The following CDH12 variants were observed in gnomAD, a reference collection of about 807,000 sequenced individuals.
The protein encoded by CDH12 is cadherin-12.
A neutral mutation model predicts 74.1 loss-of-function variants in CDH12; 41 were observed. That is an observed-to-expected ratio of 0.55 (90% CI 0.43 to 0.72). CDH12 has a LOEUF of 0.72. Ranked by LOEUF, CDH12 falls within the 30% of genes least tolerant of loss-of-function variation. CDH12 has a pLI of 0.00. For missense variants in CDH12, 945 were observed against 977.2 expected (o/e 0.97, Z 0.44); for synonymous variants, 399 against 355.0 (o/e 1.12, Z -1.39).
At chr5:22,125,049 A>AC (rs1745766726) in intron 4 of CDH12, among the ~76,000 whole-genome samples, 2 of 152,058 alleles carry the variant, frequency 1.3e-5, no homozygotes, top group South Asian at 2.1e-4. Context: ...GGAGTGGGTT[A>AC]CTTTTTTTTA....
intron 11 of CDH12, among the ~76,000 whole-genome samples, chr5:21,773,133 A>G (rs1175866785): frequency 1.3e-5 from 2 of 152,186 alleles, no homozygotes. Flanking sequence ...TCCGATGTAT[A>G]TGATACATTA....
chr5:22,435,722 T>C lies in CDH12; in HGVS notation c.-427-30371A>G, dbSNP rs142269587. On this transcript the variant is annotated intron_variant, in intron 2 of 14. Coordinates refer to ENST00000382254, the MANE Select transcript of CDH12 (RefSeq NM_004061.5). ...GTTATGCAGCTAGAGGCTACAAGATTCTGACTTTCCTAAACTGCTCCTAAG... is the reference window on the plus strand; with the variant it reads ...GTTATGCAGCTAGAGGCTACAAGATCCTGACTTTCCTAAACTGCTCCTAAG... 7.7e-3 allele frequency among the ~76,000 whole-genome samples: 1,169 copies of C among 152,082 alleles called. 9 individuals carry two copies. Among genetic ancestry groups the C allele is most frequent in the Non-Finnish European group, 0.013 (861 of 67,974 alleles).
intron 3 of CDH12, among the ~76,000 whole-genome samples, chr5:22,240,249 A>G (rs1752699254): frequency 6.6e-6 from 1 of 152,154 alleles, no homozygotes; most frequent in Non-Finnish European, 1.5e-5. Context: ...TCATTCTTCT[A>G]TTTAGACAAC....
intron 1 of CDH12, among the ~76,000 whole-genome samples, chr5:22,549,712 G>A (rs1248218907): frequency 2.0e-5 from 3 of 152,032 alleles, no homozygotes; most frequent in Non-Finnish European, 4.4e-5. Context: ...TTGGTGTCAT[G>A]GTTAATCTAA....
At chr5:22,371,735 T>C (rs1741301173) in intron 3 of CDH12, among the ~76,000 whole-genome samples, 1 of 152,210 alleles carries the variant, frequency 6.6e-6, no homozygotes, top group Non-Finnish European at 1.5e-5. Flanking sequence ...TAGAATATTA[T>C]GTACCAAGCA....
In CDH12 at chr5:22,738,728, T is replaced by C. The variant is rs1052475186; in HGVS notation, c.-523+114330A>G. On this transcript the variant is annotated intron_variant, in intron 1 of 14. Transcript: ENST00000382254. The stretch of plus-strand genomic sequence containing the variant: ...TATTGGGAAAAAATAAATATTTCAA[T>C]AAAACCATGAAATTACACAATCATA... Among the ~76,000 whole-genome samples the C allele has an allele frequency of 1.2e-4, 19 of 152,122 alleles. No individual in the cohort carries two copies. In the South Asian group the frequency reaches 2.9e-3, roughly 23 times the overall value.
At chr5:21,867,341 G>T (rs1463650670) in intron 6 of CDH12, among the ~76,000 whole-genome samples, 3 of 152,210 alleles carry the variant, frequency 2.0e-5, no homozygotes, top group African/African-American at 7.2e-5. Flanking sequence ...GGGGACAAGA[G>T]TGAGACTTTG....
rs187734434 is a variant in CDH12, at chr5:22,736,581, T to G, written c.-523+116477A>C. Reference sequence around the variant, plus strand: ...GCGTTTTTTTTTACTTGAAAATTTATTTTAATTGAGGGATACGTTTTCAAA... The same window carrying G: ...GCGTTTTTTTTTACTTGAAAATTTAGTTTAATTGAGGGATACGTTTTCAAA... On this transcript the variant is annotated intron_variant, in intron 1 of 14. Coordinates refer to ENST00000382254, the MANE Select transcript of CDH12 (RefSeq NM_004061.5). 4.6e-3 allele frequency among the ~76,000 whole-genome samples: 704 copies of G among 151,956 alleles called. 6 individuals carry two copies. The highest frequency in any genetic ancestry group is 0.014 in the Middle Eastern group (4 of 294).
intron 3 of CDH12, among the ~76,000 whole-genome samples, chr5:22,247,388 T>C (rs533004511): frequency 6.6e-6 from 1 of 152,210 alleles, no homozygotes; most frequent in East Asian, 1.9e-4. Context: ...TAAAGAAAAC[T>C]ATTTGGGGCT....
chr5:21,787,536 G>A (rs936826311), intron 10 of CDH12, among the ~76,000 whole-genome samples: 1 of 152,032 alleles, frequency 6.6e-6, no homozygotes, highest in African/African-American at 2.4e-5. Context: ...ACTGGCAAAC[G>A]AAAAAACTGT....
At chr5:22,225,581 G>GGAT (rs1334953746) in intron 3 of CDH12, among the ~76,000 whole-genome samples, 17 of 152,106 alleles carry the variant, frequency 1.1e-4, no homozygotes, top group Admixed American at 9.2e-4. Context: ...GTAGATAAAT[G>GGAT]GATAACCTTT....
intron 3 of CDH12, among the ~76,000 whole-genome samples, chr5:22,296,868 T>G (rs768099429): frequency 2.0e-5 from 3 of 152,172 alleles, no homozygotes; most frequent in Admixed American, 6.5e-5. Flanking sequence ...CTCCTATGTA[T>G]AGCACCATTA....
chr5:22,773,717 G>A lies in CDH12; in HGVS notation c.-523+79341C>T, dbSNP rs143922497. On this transcript the variant is annotated intron_variant, in intron 1 of 14. Transcript: ENST00000382254. Reference sequence around the variant, plus strand: ...ACAGAATAAATAGACAACCTACAGAGTGGGAGAAAATACTGAAAACTGTGC... The same window carrying A: ...ACAGAATAAATAGACAACCTACAGAATGGGAGAAAATACTGAAAACTGTGC... Among the ~76,000 whole-genome samples the A allele has an allele frequency of 9.3e-4, 142 of 152,108 alleles. 1 individual carries two copies. Among genetic ancestry groups the A allele is most frequent in the African/African-American group, 3.4e-3 (140 of 41,516 alleles).
chr5:22,257,623 CG>C (rs1297966188), intron 3 of CDH12, among the ~76,000 whole-genome samples: 2 of 151,876 alleles, frequency 1.3e-5, no homozygotes, highest in Admixed American at 1.3e-4. Flanking sequence ...CCTCAGCCTC[CG>C]GATTAGCTGG....
At chr5:22,818,304 G>T (rs1295697961) in intron 1 of CDH12, among the ~76,000 whole-genome samples, 1 of 152,074 alleles carries the variant, frequency 6.6e-6, no homozygotes, top group Non-Finnish European at 1.5e-5. Context: ...GTCAGATTTT[G>T]CTCTATCATG....
intron 1 of CDH12, among the ~76,000 whole-genome samples, chr5:22,661,384 A>G (rs1211031543): frequency 1.3e-5 from 2 of 152,166 alleles, no homozygotes. Context: ...ATTTAGCAGG[A>G]ATTATTCTAT....
At chr5:22,531,910 C>T (rs1737600304) in intron 1 of CDH12, among the ~76,000 whole-genome samples, 1 of 152,044 alleles carries the variant, frequency 6.6e-6, no homozygotes, top group African/African-American at 2.4e-5. Flanking sequence ...TGAGTTTACA[C>T]CTGGAGACTG....
intron 14 of CDH12, among the ~76,000 whole-genome samples, chr5:21,753,380 A>C (rs2149860035): frequency 6.6e-6 from 1 of 152,294 alleles, no homozygotes; most frequent in African/African-American, 2.4e-5. Flanking sequence ...AGTTTATGGA[A>C]TCTCAGAACA....
chr5:22,244,768 GAAAGAAAGAA>G (rs1406781935), intron 3 of CDH12, among the ~76,000 whole-genome samples: 1 of 122,132 alleles, frequency 8.2e-6, no homozygotes, highest in Non-Finnish European at 1.8e-5. Flanking sequence ...AAGAAAGAAA[GAAAGAAAGAA>G]AGAAAGAAAG....
Sources: allele counts gnomAD v4.1 joint callset (sites outside exome capture counted in the v4.1 genomes callset), GRCh38; gene constraint gnomAD v4.1.1; transcripts MANE v1.5; gene names NCBI Gene and HGNC (gene_info 2026-07-23, HGNC 2026-07-21).